The following SEMA5A variants were observed in gnomAD, a reference collection of about 807,000 sequenced individuals.
The protein encoded by SEMA5A is semaphorin 5A.
Under a neutral mutation model 135.5 loss-of-function variants are expected in SEMA5A, and 55 were observed. The ratio of observed to expected loss-of-function variants is 0.41; its 90% CI spans 0.33 to 0.51. The LOEUF (loss-of-function observed/expected upper bound fraction) is 0.51. Ranked by LOEUF, SEMA5A falls within the 20% of genes least tolerant of loss-of-function variation. The pLI is 0.37. For synonymous variants in SEMA5A, 580 were observed against 546.5 expected, an observed-to-expected ratio of 1.06 and a Z score of -0.85; for missense variants, 1,290 against 1,419.9, an observed-to-expected ratio of 0.91 and a Z score of 1.47.
At chr5:9,298,992 T>C (rs1050475123) in intron 5 of SEMA5A, among the ~76,000 whole-genome samples, 3 of 152,158 alleles carry the variant, frequency 2.0e-5, no homozygotes, top group Non-Finnish European at 4.4e-5. Flanking sequence ...ATAATATCCA[T>C]CCAGTTAGTC....
At position 9,529,290 on chromosome 5, in the gene SEMA5A, G is replaced by A. The variant is rs910754793; in HGVS notation, c.-175+16294C>T. On this transcript the variant is annotated intron_variant, in intron 1 of 22. Coordinates refer to ENST00000382496, the MANE Select transcript of SEMA5A (RefSeq NM_003966.3). The stretch of plus-strand genomic sequence containing the variant: ...TCCGCCCTGCATGGCTGAAGCAGAA[G>A]TCCCCACAGCCTCCTCCCCAGCTGC... Among the ~76,000 whole-genome samples the A allele has an allele frequency of 2.0e-5, 3 of 152,330 alleles. No homozygotes were observed. In the South Asian group the frequency reaches 6.2e-4, roughly 32 times the overall value.
At chr5:9,457,728 T>C (rs1208167137) in intron 1 of SEMA5A, among the ~76,000 whole-genome samples, 1 of 152,192 alleles carries the variant, frequency 6.6e-6, no homozygotes, top group Non-Finnish European at 1.5e-5. Context: ...GGATTCATCC[T>C]ATTGCTATTA....
At chr5:9,352,098 G>GGGT (rs1554023412) in intron 3 of SEMA5A, among the ~76,000 whole-genome samples, 4 of 149,344 alleles carry the variant, frequency 2.7e-5, no homozygotes, top group East Asian at 4.0e-4. Context: ...ACAGGTCGGG[G>GGGT]GGGTTACTTA....
At chr5:9,055,880 A>T (rs199724070) in intron 18 of SEMA5A, among the ~76,000 whole-genome samples, 4 of 2,382 alleles carry the variant, frequency 1.7e-3, no homozygotes, top group African/African-American at 5.9e-3. Flanking sequence ...TTTAAAAATT[A>T]AAAAAAAAAA....
intron 11 of SEMA5A, among the ~76,000 whole-genome samples, chr5:9,165,008 TATC>T (rs1743526992): frequency 6.6e-6 from 1 of 152,236 alleles, no homozygotes; most frequent in Non-Finnish European, 1.5e-5. Flanking sequence ...GATAGCCTTC[TATC>T]ATCATGAGTG....
At chr5:9,464,098 C>T (rs79989086) in intron 1 of SEMA5A, among the ~76,000 whole-genome samples, 3,965 of 152,202 alleles carry the variant, frequency 0.026, 70 homozygotes, top group South Asian at 0.079. Flanking sequence ...GGTCTCTACC[C>T]ACAAGACACC....
At position 9,042,433 on chromosome 5, in the gene SEMA5A, T is replaced by C. The variant is rs1736011814; in HGVS notation, c.*464A>G. 1 of 160,896 alleles carries C rather than the reference T, an allele frequency of 6.2e-6. No homozygotes were observed. The highest frequency in any genetic ancestry group is 6.5e-5 in the Admixed American group (1 of 15,438). 10.0% of individuals were successfully genotyped at this position (160,896 alleles called of 1,614,324 possible). ...GGGCAATCCATGGTGAATAATTGTTTGGCCACATTCTTTTTCTTCATTTTA... is the reference window on the plus strand; with the variant it reads ...GGGCAATCCATGGTGAATAATTGTTCGGCCACATTCTTTTTCTTCATTTTA... On this transcript the variant is annotated 3_prime_UTR_variant, in exon 23 of 23. Coordinates refer to ENST00000382496, the MANE Select transcript of SEMA5A (RefSeq NM_003966.3).
intron 18 of SEMA5A, among the ~76,000 whole-genome samples, chr5:9,056,115 C>CT (rs1216924555): frequency 2.6e-5 from 4 of 152,116 alleles, no homozygotes; most frequent in African/African-American, 9.7e-5. Context: ...AATGTGTGCC[C>CT]TAGATTGTGT....
intron 11 of SEMA5A, among the ~76,000 whole-genome samples, chr5:9,163,919 G>T (rs1203556625): frequency 6.7e-6 from 1 of 150,110 alleles, no homozygotes; most frequent in Non-Finnish European, 1.5e-5. Flanking sequence ...AATTTCTGTT[G>T]TTTAAGCTGC....
At chr5:9,417,267 T>C (rs984241798) in intron 2 of SEMA5A, among the ~76,000 whole-genome samples, 1 of 152,196 alleles carries the variant, frequency 6.6e-6, no homozygotes, top group Non-Finnish European at 1.5e-5. Flanking sequence ...TTCCAAAGGA[T>C]TTTTTTAGTA....
chr5:9,394,378 C>T (rs1756297347), intron 2 of SEMA5A, among the ~76,000 whole-genome samples: 1 of 152,140 alleles, frequency 6.6e-6, no homozygotes, highest in South Asian at 2.1e-4. Flanking sequence ...TCAGGACACA[C>T]CATTGCCTCC....
rs114243796 is a variant in SEMA5A at position 9,324,009 on chromosome 5, C to T, written c.225-5592G>A. On this transcript the variant is annotated intron_variant, in intron 4 of 22. Coordinates refer to ENST00000382496, the MANE Select transcript of SEMA5A (RefSeq NM_003966.3). ...AAAACCCAAGTAGTCAAATACCTCA[C>T]TACACAAACAGTTTAGTATTCACCT... Among the ~76,000 whole-genome samples the T allele has an allele frequency of 9.1e-3, 1,375 of 151,912 alleles. 20 individuals are homozygous for T. Among genetic ancestry groups the T allele is most frequent in the African/African-American group, 0.031 (1,299 of 41,396 alleles).
rs191053479 is a variant in SEMA5A, at chr5:9,206,690, A to T, written c.647-4450T>A. On this transcript the variant is annotated intron_variant, in intron 8 of 22. Coordinates refer to ENST00000382496, the MANE Select transcript of SEMA5A (RefSeq NM_003966.3). ...ATATTAAAGGCACAAAGGAATCCCA[A>T]CTCTACAAAAATCTTACTAGAATCA... 3.0e-4 allele frequency among the ~76,000 whole-genome samples: 45 copies of T among 152,036 alleles called. No homozygotes were observed. In the East Asian group the frequency reaches 8.6e-3, roughly 29 times the overall value.
At chr5:9,073,296 TG>T (rs1737869348) in intron 16 of SEMA5A, among the ~76,000 whole-genome samples, 1 of 152,186 alleles carries the variant, frequency 6.6e-6, no homozygotes, top group African/African-American at 2.4e-5. Flanking sequence ...AATGAAAGAC[TG>T]GGTTATCATT....
At chr5:9,144,768 G>A (rs1483331721) in intron 12 of SEMA5A, among the ~76,000 whole-genome samples, 1 of 152,162 alleles carries the variant, frequency 6.6e-6, no homozygotes, top group Non-Finnish European at 1.5e-5. Context: ...CTTGGATGAG[G>A]CCATGCTGAC....
intron 16 of SEMA5A, among the ~76,000 whole-genome samples, chr5:9,106,789 C>T (rs906837761): frequency 6.6e-6 from 1 of 152,082 alleles, no homozygotes; most frequent in Non-Finnish European, 1.5e-5. Context: ...AAATATACAT[C>T]GTAATGAAGA....
Position 9,036,582 on chromosome 5 carries a change from A to ATG in SEMA5A, c.*6313_*6314dup, listed in dbSNP as rs545968126. On this transcript the variant is annotated 3_prime_UTR_variant, in exon 23 of 23. Transcript: ENST00000382496. ...TTTGGAACATGTAAAAATTAAAGTG[A>ATG]TGTTAGTTTCTAGAAGGCTAATACT... The ATG allele has an allele frequency of 7.9e-4, 120 of 152,374 alleles. No individual in the cohort carries two copies. The highest frequency in any genetic ancestry group is 2.8e-3 in the African/African-American group (117 of 41,564). 9.4% of individuals were successfully genotyped at this position (152,374 alleles called of 1,614,324 possible). A position where few individuals can be genotyped will look rare whatever the true frequency, so the allele number is the denominator to read the frequency against.
chr5:9,083,586 T>TCATC (rs60509063), intron 16 of SEMA5A, among the ~76,000 whole-genome samples: 4,474 of 44,916 alleles, frequency 0.1, 91 homozygotes, highest in Non-Finnish European at 0.14. Context: ...ATTCATCCAT[T>TCATC]CATCCATCCA....
chr5:9,521,668 T>C lies in SEMA5A; in HGVS notation c.-175+23916A>G, dbSNP rs116671629. 2.5e-3 allele frequency among the ~76,000 whole-genome samples: 386 copies of C among 152,272 alleles called. 3 individuals are homozygous for C. Among genetic ancestry groups the C allele is most frequent in the African/African-American group, 8.7e-3 (363 of 41,552 alleles). On this transcript the variant is annotated intron_variant, in intron 1 of 22. Transcript: ENST00000382496. ...CCATTTATTTGAAACTCTGAATGAT[T>C]ATGTTTTTCCCTATTGGTCCCAGCT...
Sources: allele counts gnomAD v4.1 joint callset (sites outside exome capture counted in the v4.1 genomes callset), GRCh38; gene constraint gnomAD v4.1.1; transcripts MANE v1.5; gene names NCBI Gene and HGNC (gene_info 2026-07-23, HGNC 2026-07-21).